AGAP1: variants seen among roughly 807,000 people sequenced by gnomAD.
AGAP1 encodes the protein arf-GAP with GTPase, ANK repeat and PH domain-containing protein 1.
A neutral mutation model predicts 105.3 loss-of-function variants in AGAP1; 29 were observed. That is an observed-to-expected ratio of 0.28 (90% confidence interval 0.21 to 0.38). The LOEUF (loss-of-function observed/expected upper bound fraction) is 0.38, where lower values mean the gene tolerates loss of function less well. AGAP1 is among the 10% of genes least tolerant of loss of function. AGAP1 has a pLI of 1.00. For missense variants in AGAP1, 998 were observed against 1,165.1 expected, an observed-to-expected ratio of 0.86 and a Z score of 2.09; for synonymous variants, 509 against 485.9, an observed-to-expected ratio of 1.05 and a Z score of -0.63.
rs745658174 is a variant in AGAP1, at chr2:235,888,529, C to T, written c.1155+5080C>T. Among the ~76,000 whole-genome samples, 1 of 152,030 alleles carries T rather than the reference C, an allele frequency of 6.6e-6. No homozygotes were observed. Among genetic ancestry groups the T allele is most frequent in the Non-Finnish European group, 1.5e-5 (1 of 68,004 alleles). On this transcript the variant is annotated intron_variant, in intron 10 of 17. Transcript: ENST00000304032. The surrounding 1 kb of genome is among the most constrained non-coding windows in gnomAD (Gnocchi z 4.8). ...GACCTGCCTGGGCAACATGGAGAGA[C>T]CCCATCTCTACAACAAATAAAAAAG... is the stretch of plus-strand genomic sequence containing the variant.
At chr2:235,802,041 AG>A (rs201012740) in intron 8 of AGAP1, among the ~76,000 whole-genome samples, 3,924 of 152,156 alleles carry the variant, frequency 0.026, 173 homozygotes, top group African/African-American at 0.09. Context: ...GAACACTTGA[AG>A]GCAGAGAGAA....
chr2:235,862,927 C>A (rs1004901079), intron 9 of AGAP1, among the ~76,000 whole-genome samples: 1 of 152,136 alleles, frequency 6.6e-6, no homozygotes, highest in Admixed American at 6.5e-5. Context: ...TTTCTAATCT[C>A]CTCTGCTCTG....
In AGAP1 at chr2:235,799,595, C is replaced by T. The variant is rs1957398584; in HGVS notation, c.957+73C>T. The T allele has an allele frequency of 6.5e-7, 1 of 1,527,594 alleles. No individual in the cohort carries two copies. The highest frequency in any genetic ancestry group is 9.0e-7 in the Non-Finnish European group (1 of 1,112,898). 94.6% of individuals were successfully genotyped at this position (1,527,594 alleles called of 1,614,324 possible). On this transcript the variant is annotated intron_variant, in intron 8 of 17. Transcript: ENST00000304032. The surrounding 1 kb of genome is among the most constrained non-coding windows in gnomAD (Gnocchi z 5.0). ...CCCATTAACGTAAACCTGGTTGCCACATGGTTCAGTGGTATTTGTAGAATC... is the reference window on the plus strand; with the variant it reads ...CCCATTAACGTAAACCTGGTTGCCATATGGTTCAGTGGTATTTGTAGAATC...
Position 236,090,376 on chromosome 2 carries a change from C to T in AGAP1, c.2115-29816C>T, listed in dbSNP as rs535227256. ...AATTACTTCTCTCTGGTTTTTGAGA[C>T]GCACACTCAAGAGTCACAAATTAGA... is the stretch of plus-strand genomic sequence containing the variant. On this transcript the variant is annotated intron_variant, in intron 16 of 17. Transcript: ENST00000304032. This position sits in a 1 kb window ranked among gnomAD's most constrained non-coding sequence, Gnocchi z 4.3. Among the ~76,000 whole-genome samples, 7 of 152,306 alleles carry T rather than the reference C, an allele frequency of 4.6e-5. No homozygotes were observed. The highest frequency in any genetic ancestry group is 1.2e-4 in the African/African-American group (5 of 41,584).
chr2:235,745,248 G>A lies in AGAP1; in HGVS notation c.538+409G>A, dbSNP rs577701144. The stretch of plus-strand genomic sequence containing the variant: ...TAAAGCTTATCTTTCAGTGCACCTT[G>A]AAAATAGTGCTGATTTTGAACATAG... On this transcript the variant is annotated intron_variant, in intron 5 of 17. Transcript: ENST00000304032. Among the ~76,000 whole-genome samples, 123 of 152,234 alleles carry A rather than the reference G, an allele frequency of 8.1e-4. 1 individual carries two copies. Among genetic ancestry groups the A allele is most frequent in the Non-Finnish European group, 1.4e-3 (95 of 68,012 alleles).
intron 1 of AGAP1, among the ~76,000 whole-genome samples, chr2:235,619,639 C>G (rs1946413629): frequency 1.3e-5 from 2 of 152,192 alleles, no homozygotes; most frequent in Admixed American, 1.3e-4. Context: ...CCTGCAGATG[C>G]AGCTCTTTTC....
chr2:235,589,602 T>C (rs1481670958), intron 1 of AGAP1, among the ~76,000 whole-genome samples: 1 of 152,188 alleles, frequency 6.6e-6, no homozygotes, highest in Non-Finnish European at 1.5e-5. Context: ...CCATGTCCGC[T>C]CTAGGTGGCT....
In AGAP1 at chr2:236,087,490, A is replaced by G. The variant is rs932606299; in HGVS notation, c.2115-32702A>G. Among the ~76,000 whole-genome samples, 24 of 152,088 alleles carry G rather than the reference A, an allele frequency of 1.6e-4. No homozygotes were observed. The highest frequency in any genetic ancestry group is 5.8e-4 in the African/African-American group (24 of 41,426). ...TCCCGAGAGAGCCTGTGCCCGCCCC[A>G]CAGTCCCGGCTGAAATGGCAAATGC... On this transcript the variant is annotated intron_variant, in intron 16 of 17. Transcript: ENST00000304032. The surrounding 1 kb of genome is among the most constrained non-coding windows in gnomAD (Gnocchi z 5.7).
intron 1 of AGAP1, among the ~76,000 whole-genome samples, chr2:235,546,961 C>T (rs569197330): frequency 2.0e-5 from 3 of 152,278 alleles, no homozygotes; most frequent in South Asian, 2.1e-4. Context: ...GCTCTCCACC[C>T]GTAGGGACCT....
At position 235,934,161 on chromosome 2, in the gene AGAP1, C is replaced by A. The variant is rs1436201657; in HGVS notation, c.1483+3238C>A. Among the ~76,000 whole-genome samples the A allele has an allele frequency of 6.6e-6, 1 of 152,166 alleles. No individual in the cohort carries two copies. The highest frequency in any genetic ancestry group is 1.5e-5 in the Non-Finnish European group (1 of 68,034). On this transcript the variant is annotated intron_variant, in intron 12 of 17. Coordinates refer to ENST00000304032, the MANE Select transcript of AGAP1 (RefSeq NM_001037131.3). This position sits in a 1 kb window ranked among gnomAD's most constrained non-coding sequence, Gnocchi z 4.9. ...ACTGCTTAGAAATGTTGATCTCAGG[C>A]CCTGTCTCAGTCCCACTGAATCCAG... is the stretch of plus-strand genomic sequence containing the variant.
At chr2:236,100,564 C>A (rs750541521) in intron 16 of AGAP1, among the ~76,000 whole-genome samples, 1 of 152,136 alleles carries the variant, frequency 6.6e-6, no homozygotes, top group Non-Finnish European at 1.5e-5. Context: ...GTGGCTCACA[C>A]CTGCAATCCC....
chr2:236,131,259 TCTC>T lies in AGAP1; in HGVS notation c.*7140_*7142del, dbSNP rs1470675808. On this transcript the variant is annotated 3_prime_UTR_variant, in exon 18 of 18. Coordinates refer to ENST00000304032, the MANE Select transcript of AGAP1 (RefSeq NM_001037131.3). The surrounding 1 kb of genome is among the most constrained non-coding windows in gnomAD (Gnocchi z 5.9). ...GGGTCGCACGGGTCCCGGGGGCAGGTCTCCTGCACTGGCTCTTCCCTTCTGCCA... is the reference window on the plus strand; with the variant it reads ...GGGTCGCACGGGTCCCGGGGGCAGGTCTGCACTGGCTCTTCCCTTCTGCCA... 1 of 152,152 alleles carries T rather than the reference TCTC, an allele frequency of 6.6e-6. No homozygotes were observed. The highest frequency in any genetic ancestry group is 2.4e-5 in the African/African-American group (1 of 41,416). 9.4% of individuals were successfully genotyped at this position (152,152 alleles called of 1,614,324 possible). A position where few individuals can be genotyped will look rare whatever the true frequency, so the allele number is the denominator to read the frequency against.
intron 9 of AGAP1, among the ~76,000 whole-genome samples, chr2:235,819,554 C>T (rs78287987): frequency 0.017 from 2,583 of 152,228 alleles, 41 homozygotes; most frequent in Non-Finnish European, 0.025. Context: ...CTCTTTGATT[C>T]GTACCAGCCC....
Position 235,788,518 on chromosome 2 carries a change from G to C in AGAP1, c.674-9241G>C, listed in dbSNP as rs916443541. Among the ~76,000 whole-genome samples, 6 of 151,440 alleles carry C rather than the reference G, an allele frequency of 4.0e-5. No homozygotes were observed. Among genetic ancestry groups the C allele is most frequent in the Non-Finnish European group, 7.4e-5 (5 of 67,856 alleles). On this transcript the variant is annotated intron_variant, in intron 6 of 17. Transcript: ENST00000304032. The surrounding 1 kb of genome is among the most constrained non-coding windows in gnomAD (Gnocchi z 6.0). ...TGGGAGGGTAGGTGAGGCGGGGTGAGGAGAGGATTGGGAGGCAAGGTGGGG... is the reference window on the plus strand; with the variant it reads ...TGGGAGGGTAGGTGAGGCGGGGTGACGAGAGGATTGGGAGGCAAGGTGGGG...
intron 16 of AGAP1, among the ~76,000 whole-genome samples, chr2:236,102,150 GCT>G (rs1559277049): frequency 3.2e-4 from 48 of 152,290 alleles, no homozygotes; most frequent in African/African-American, 8.9e-4. Context: ...GGGCGCGGTG[GCT>G]CACGCCTGTA....
At chr2:235,726,031 G>GAA (rs1951627173) in intron 3 of AGAP1, among the ~76,000 whole-genome samples, 1 of 152,204 alleles carries the variant, frequency 6.6e-6, no homozygotes, top group African/African-American at 2.4e-5. Context: ...GTGTTTTTGA[G>GAA]TTGGCTGTAT....
At chr2:235,756,145 G>T (rs1275995190) in intron 6 of AGAP1, among the ~76,000 whole-genome samples, 1 of 152,168 alleles carries the variant, frequency 6.6e-6, no homozygotes, top group Non-Finnish European at 1.5e-5. Flanking sequence ...GTTTTGGAGA[G>T]TGTAAATTTT....
chr2:235,595,033 C>T (rs370281150), intron 1 of AGAP1, among the ~76,000 whole-genome samples: 54 of 152,040 alleles, frequency 3.6e-4, no homozygotes, highest in African/African-American at 1.2e-3. Flanking sequence ...GGCATGTGGA[C>T]GGAATGACCC....
At position 235,494,685 on chromosome 2, in the gene AGAP1, C is replaced by T. The variant is rs1215593443; in HGVS notation, c.-2C>T. On this transcript the variant is annotated 5_prime_UTR_variant, in exon 1 of 18. Transcript: ENST00000304032. ...CGCGGCTCCGGGCGCGGCGCCTGCA[C>T]CATGAACTACCAGCAGCAGCTGGCC... is the stretch of plus-strand genomic sequence containing the variant. 4 of 1,490,730 alleles carry T rather than the reference C, an allele frequency of 2.7e-6. No homozygotes were observed. Among genetic ancestry groups the T allele is most frequent in the Non-Finnish European group, 3.6e-6 (4 of 1,112,740 alleles). The allele number at this position is 1,490,730 out of a possible 1,614,324, so 92.3% of individuals were successfully genotyped here. A position where few individuals can be genotyped will look rare whatever the true frequency, so the allele number is the denominator to read the frequency against.
Sources: allele counts gnomAD v4.1 joint callset (sites outside exome capture counted in the v4.1 genomes callset), GRCh38; gene constraint gnomAD v4.1.1; non-coding constraint Gnocchi (gnomAD v3.1); transcripts MANE v1.5; gene names NCBI Gene and HGNC (gene_info 2026-07-23, HGNC 2026-07-21).